Variants in TIAM2 observed in about 807,000 individuals in gnomAD.
TIAM2 encodes the protein rho guanine nucleotide exchange factor TIAM2.
TIAM2 carries 80 observed loss-of-function variants against 152.9 expected under a neutral mutation model. The ratio of observed to expected loss-of-function variants is 0.52; its 90% CI spans 0.44 to 0.63. The LOEUF is 0.63. Ranked by LOEUF, TIAM2 falls within the 30% of genes least tolerant of loss-of-function variation. The probability of loss-of-function intolerance (pLI) is 0.00; values close to 1 mark genes in which losing one functional copy is unlikely to be tolerated. For synonymous variants in TIAM2, 804 were observed against 838.0 expected, an observed-to-expected ratio of 0.96 and a Z score of 0.70; for missense variants, 1,965 against 2,120.1, an observed-to-expected ratio of 0.93 and a Z score of 1.44.
intron 2 of TIAM2, among the ~76,000 whole-genome samples, chr6:155,116,125 C>G (rs1329462146): frequency 2.6e-5 from 4 of 152,108 alleles, no homozygotes; most frequent in Admixed American, 2.6e-4. Context: ...ATGGATTAGG[C>G]CCTTCCCCCT....
intron 1 of TIAM2, among the ~76,000 whole-genome samples, chr6:155,041,994 A>G (rs1286680220): frequency 6.6e-6 from 1 of 151,686 alleles, no homozygotes; most frequent in Non-Finnish European, 1.5e-5. Context: ...TTGCAGTTTT[A>G]CTCGACTTCC....
intron 12 of TIAM2, 96 bp from the exon 13 acceptor site, chr6:155,182,130 A>G: frequency 2.0e-6 from 2 of 989,460 alleles, no homozygotes; most frequent in South Asian, 2.7e-5. Context: ...TACTGTACTT[A>G]TGAGAAAAGA....
At position 155,127,434 on chromosome 6, in the gene TIAM2, T is replaced by C. The variant is rs948361304; in HGVS notation, c.-117-56T>C. The C allele has an allele frequency of 2.6e-5, 10 of 388,864 alleles. No individual in the cohort carries two copies. The Admixed American group carries it at 2.7e-4, about 10-fold the overall frequency. 24.1% of individuals were successfully genotyped at this position (388,864 alleles called of 1,614,324 possible). ...TTGCGTTAAGGCTTCCTTTTGACTT[T>C]GTGGGAGCTTGGAGTAAAACGCTTC... On this transcript the variant is annotated intron_variant, in intron 2 of 26. Coordinates refer to ENST00000682666, the MANE Select transcript of TIAM2 (RefSeq NM_012454.4).
rs145603552 is a variant in TIAM2, at chr6:155,183,361, G to A, written c.2925G>A (p.Pro975=). Residue 975 remains proline, a synonymous_variant, in exon 14 of 27, where the codon CCG becomes CCA. Coordinates refer to ENST00000682666, the MANE Select transcript of TIAM2 (RefSeq NM_012454.4). Reference sequence around the variant, plus strand: ...GACTCACTCTGATTGCCCGGCCTCCGGACACAAAAGCAACCCTGTGTACAT... The same window carrying A: ...GACTCACTCTGATTGCCCGGCCTCCAGACACAAAAGCAACCCTGTGTACAT... ...SVGLTLIARP[P]DTKATLCTSW... is the part of the protein sequence containing the mutation. 33 of 1,612,732 alleles carry A rather than the reference G, an allele frequency of 2.0e-5. No homozygotes were observed. Among genetic ancestry groups the A allele is most frequent in the Non-Finnish European group, 2.5e-5 (30 of 1,179,628 alleles).
At chr6:155,004,363 A>C (rs1304250062) in intron 1 of TIAM2, among the ~76,000 whole-genome samples, 1 of 152,068 alleles carries the variant, frequency 6.6e-6, no homozygotes, top group Non-Finnish European at 1.5e-5. Context: ...TAATCCTTGG[A>C]GTTCACCCCA....
intron 26 of TIAM2, chr6:155,256,147 C>T: frequency 2.2e-6 from 1 of 464,488 alleles, no homozygotes; most frequent in Non-Finnish European, 3.8e-6. Flanking sequence ...AAGAAAGGAG[C>T]CTAGATTTAT....
intron 4 of TIAM2, among the ~76,000 whole-genome samples, chr6:155,131,275 G>T (rs1306778826): frequency 1.3e-5 from 2 of 151,784 alleles, no homozygotes; most frequent in Non-Finnish European, 2.9e-5. Context: ...CAGGAGAATC[G>T]CTTGAACCTG....
chr6:155,130,089 C>T lies in TIAM2; in HGVS notation c.866C>T (p.Pro289Leu). The change falls in exon 4 of 27, where the codon CCT becomes CTT. Residue 289 changes from proline (P) to leucine (L), a missense_variant. By Grantham distance (98) the Pro-to-Leu change is moderately conservative. Coordinates refer to ENST00000682666, the MANE Select transcript of TIAM2 (RefSeq NM_012454.4). ...TTCCCACCTGGCGATGCCAAAAAGC[C>T]TTTCAACCAAAGCTCTTCCCTCTCC... ...ASFPPGDAKK[P>L]FNQSSSLSSL... 6.2e-7 allele frequency: 1 copy of T among 1,614,142 alleles called. No homozygotes were observed. Among genetic ancestry groups the T allele is most frequent in the South Asian group, 1.1e-5 (1 of 91,088 alleles).
Position 155,204,088 on chromosome 6 carries a change from C to A in TIAM2, c.3065-7116C>A, listed in dbSNP as rs1353152839. Among the ~76,000 whole-genome samples the A allele has an allele frequency of 4.6e-5, 7 of 152,102 alleles. No homozygotes were observed. The East Asian group carries it at 7.7e-4, about 17-fold the overall frequency. On this transcript the variant is annotated intron_variant, in intron 14 of 26. Coordinates refer to ENST00000682666, the MANE Select transcript of TIAM2 (RefSeq NM_012454.4). Reference sequence around the variant, plus strand: ...GACATCCGGCAGTGATCACGTTAATCCCATACATTGCACATTGTTCGACTG... The same window carrying A: ...GACATCCGGCAGTGATCACGTTAATACCATACATTGCACATTGTTCGACTG...
intron 1 of TIAM2, among the ~76,000 whole-genome samples, chr6:155,043,051 C>A (rs539832092): frequency 6.6e-6 from 1 of 152,078 alleles, no homozygotes; most frequent in African/African-American, 2.4e-5. Context: ...TTTATTATGA[C>A]GCTGGGGGGA....
At chr6:155,255,466 A>C (rs1176372629) in intron 26 of TIAM2, 1 of 151,996 alleles carries the variant, frequency 6.6e-6, no homozygotes, top group Non-Finnish European at 1.5e-5. Context: ...TTTTCATGTC[A>C]AATCAGTGTG....
At chr6:155,219,916 C>T (rs939439035) in intron 15 of TIAM2, among the ~76,000 whole-genome samples, 20 of 152,148 alleles carry the variant, frequency 1.3e-4, no homozygotes, top group Admixed American at 3.9e-4. Flanking sequence ...CAAAAGACAG[C>T]GTTCCAAGCA....
At chr6:155,241,415 A>G (rs1387893593) in intron 16 of TIAM2, among the ~76,000 whole-genome samples, 1 of 152,114 alleles carries the variant, frequency 6.6e-6, no homozygotes, top group African/African-American at 2.4e-5. Context: ...CGGTGGGCTG[A>G]GGGTCCAGGC....
intron 14 of TIAM2, among the ~76,000 whole-genome samples, chr6:155,196,580 C>T (rs1030107559): frequency 2.6e-5 from 4 of 151,918 alleles, no homozygotes; most frequent in East Asian, 3.9e-4. Flanking sequence ...ACAATGAAAA[C>T]GTTATCTATA....
intron 15 of TIAM2, among the ~76,000 whole-genome samples, chr6:155,240,171 CTT>C (rs1782960998): frequency 6.6e-6 from 1 of 152,218 alleles, no homozygotes; most frequent in Non-Finnish European, 1.5e-5. Flanking sequence ...GCCATCTGCT[CTT>C]GTTGCTCCCT....
chr6:155,060,873 C>T (rs1016377175), intron 1 of TIAM2, among the ~76,000 whole-genome samples: 2 of 152,154 alleles, frequency 1.3e-5, no homozygotes, highest in Admixed American at 6.5e-5. Context: ...CCAGCATGGG[C>T]GACAAGAGCA....
intron 9 of TIAM2, among the ~76,000 whole-genome samples, chr6:155,175,694 G>A (rs555032974): frequency 6.6e-6 from 1 of 152,318 alleles, no homozygotes; most frequent in Admixed American, 6.5e-5. Context: ...TTACTGCTAT[G>A]TGAATATAAG....
intron 1 of TIAM2, among the ~76,000 whole-genome samples, chr6:155,028,089 T>G (rs1776653330): frequency 8.7e-6 from 1 of 115,486 alleles, no homozygotes. Flanking sequence ...CTGTGTTACA[T>G]ATATACTATA....
intron 2 of TIAM2, among the ~76,000 whole-genome samples, chr6:155,115,534 T>G (rs1367265600): frequency 6.6e-6 from 1 of 152,036 alleles, no homozygotes; most frequent in Non-Finnish European, 1.5e-5. Context: ...AAGCCTATAG[T>G]CCCAGCTACT....
Sources: gnomAD v4.1 joint callset for allele counts (sites outside exome capture counted in the v4.1 genomes callset) on GRCh38, gnomAD v4.1.1 for gene constraint, MANE v1.5 for transcripts, NCBI Gene and HGNC (gene_info 2026-07-23, HGNC 2026-07-21) for gene names.